Variants in CDHR2 observed in about 807,000 individuals in gnomAD.
CDHR2 encodes the protein cadherin related family member 2.
In CDHR2, 104 loss-of-function variants were observed where a neutral mutation model predicts 138.6. That is an observed-to-expected ratio of 0.75 (90% CI 0.64 to 0.88). The LOEUF is 0.88. CDHR2 is among the 40% of genes least tolerant of loss of function. The probability of loss-of-function intolerance (pLI) is 0.00; values close to 1 mark genes in which losing one functional copy is unlikely to be tolerated. For synonymous variants in CDHR2, 755 were observed against 742.8 expected, an observed-to-expected ratio of 1.02 and a Z score of -0.27; for missense variants, 1,624 against 1,727.6, an observed-to-expected ratio of 0.94 and a Z score of 1.06.
At chr5:176,559,949 T>C (rs1446210398) in intron 1 of CDHR2, among the ~76,000 whole-genome samples, 3 of 152,132 alleles carry the variant, frequency 2.0e-5, no homozygotes, top group Non-Finnish European at 4.4e-5. Context: ...TAAAGGGTGG[T>C]TGAGGCGTGG....
chr5:176,595,458 T>C (rs1759002506), intron 31 of CDHR2, 74 bp from the exon 32 acceptor site: 1 of 1,431,340 alleles, frequency 7.0e-7, no homozygotes, highest in African/African-American at 1.5e-5. Context: ...TTGAAGCCCA[T>C]CCACTCCCCT....
In CDHR2 at chr5:176,543,072, G is replaced by A. The variant is rs1008443447; in HGVS notation, c.-16+303G>A. ...TTGGGGCGTTTGGACCTAGCGGACG[G>A]GGAGAAGAGCGGCGCAGCTCCCGCT... On this transcript the variant is annotated intron_variant, in intron 1 of 31. Coordinates refer to the CDHR2 transcript ENST00000510636. The surrounding 1 kb of genome is among the most constrained non-coding windows in gnomAD (Gnocchi z 4.0). Among the ~76,000 whole-genome samples the A allele has an allele frequency of 6.6e-5, 10 of 151,808 alleles. No individual in the cohort carries two copies. Among genetic ancestry groups the A allele is most frequent in the African/African-American group, 2.4e-4 (10 of 41,392 alleles).
At position 176,574,366 on chromosome 5, in the gene CDHR2, C is replaced by T. The variant is rs1758310339; in HGVS notation, c.495+194C>T. Among the ~76,000 whole-genome samples the T allele has an allele frequency of 2.0e-5, 3 of 152,332 alleles. No homozygotes were observed. In the South Asian group the frequency reaches 6.2e-4, roughly 32 times the overall value. On this transcript the variant is annotated intron_variant, in intron 7 of 31. Transcript: ENST00000261944. ...CTTGCCCGCTTACCTAAAGAGGGTG[C>T]CTGCTGCAGACCAGACCCTTCTTCC...
At chr5:176,563,038 C>G (rs1029805941) in intron 1 of CDHR2, among the ~76,000 whole-genome samples, 1 of 152,146 alleles carries the variant, frequency 6.6e-6, no homozygotes, top group Non-Finnish European at 1.5e-5. Context: ...TGAAATCAGT[C>G]TCTTGTCCAG....
chr5:176,588,359 GTA>G (rs1342232375), intron 21 of CDHR2, among the ~76,000 whole-genome samples: 2 of 132,462 alleles, frequency 1.5e-5, no homozygotes, highest in Non-Finnish European at 3.2e-5. Flanking sequence ...TGAATTGAGT[GTA>G]TTTGTGTGAG....
chr5:176,567,155 G>T (rs1436087696), intron 3 of CDHR2: 3 of 366,326 alleles, frequency 8.2e-6, no homozygotes, highest in Admixed American at 3.5e-5. Context: ...AGGCTGGAGA[G>T]GGAGGAGTGC....
intron 6 of CDHR2, 96 bp from the exon 7 acceptor site, chr5:176,573,987 G>T: frequency 1.1e-6 from 1 of 944,386 alleles, no homozygotes; most frequent in Non-Finnish European, 1.7e-6. Flanking sequence ...CCCCATGAGT[G>T]CACAGCTGAG....
chr5:176,588,408 A>T (rs1479582725), intron 21 of CDHR2, among the ~76,000 whole-genome samples: 7 of 131,470 alleles, frequency 5.3e-5, no homozygotes, highest in Admixed American at 1.6e-4. Context: ...TGCATGAGAG[A>T]GTGAGGGTGT....
At chr5:176,552,946 G>A (rs934289006) in intron 1 of CDHR2, among the ~76,000 whole-genome samples, 24 of 152,284 alleles carry the variant, frequency 1.6e-4, no homozygotes, top group Admixed American at 6.5e-4. Context: ...ACATGCAGGG[G>A]AGAGACTGTG....
At chr5:176,588,524 TGA>T (rs1475722373) in intron 21 of CDHR2, among the ~76,000 whole-genome samples, 14 of 141,150 alleles carry the variant, frequency 9.9e-5, no homozygotes, top group Non-Finnish European at 1.7e-4. Context: ...TGCATGTGTG[TGA>T]GTGTGTTAGG....
chr5:176,577,365 G>T (rs1758408607), intron 12 of CDHR2, 34 bp from the exon 13 acceptor site: 2 of 1,586,970 alleles, frequency 1.3e-6, no homozygotes, highest in African/African-American at 2.7e-5. Context: ...CAGAGCAGGG[G>T]GACAGGTCCC....
intron 6 of CDHR2, among the ~76,000 whole-genome samples, chr5:176,573,333 G>A (rs1253034235): frequency 6.6e-6 from 1 of 152,070 alleles, no homozygotes; most frequent in Non-Finnish European, 1.5e-5. Flanking sequence ...GATCTCTGTG[G>A]CCACCATTAG....
upstream of CDHR2, among the ~76,000 whole-genome samples, chr5:176,546,507 G>A (rs970201676): frequency 6.6e-6 from 1 of 152,038 alleles, no homozygotes; most frequent in Admixed American, 6.6e-5. Flanking sequence ...TAGGCATCAT[G>A]TATTACCTGC....
chr5:176,560,832 T>C (rs1319724827), intron 1 of CDHR2, among the ~76,000 whole-genome samples: 1 of 152,200 alleles, frequency 6.6e-6, no homozygotes, highest in East Asian at 1.9e-4. Context: ...GCCTTCCTGA[T>C]GTTCCATGTT....
chr5:176,578,658 C>G (rs1030155539), intron 16 of CDHR2, 50 bp downstream of exon 16: 3 of 1,596,370 alleles, frequency 1.9e-6, no homozygotes, highest in African/African-American at 2.7e-5. Flanking sequence ...GGGGACCAAG[C>G]CTGCTCTGTG....
chr5:176,577,771 C>A lies in CDHR2; in HGVS notation c.1485C>A (p.Thr495=). ...YVLTVPEHSA[T]GSVVTDSIHA... is the part of the protein sequence containing the mutation. ...TCACGGTGCCAGAGCACAGCGCCAC[C>A]GGCTCTGTGGTCACCGACAGCATCC... The change falls in exon 14 of 32, where the codon ACC becomes ACA. Residue 495 remains threonine (T), a synonymous_variant. Transcript: ENST00000261944. 3.1e-6 allele frequency: 5 copies of A among 1,614,162 alleles called. No individual in the cohort carries two copies. Among genetic ancestry groups the A allele is most frequent in the Non-Finnish European group, 3.4e-6 (4 of 1,180,016 alleles).
At chr5:176,595,475 TG>T in intron 31 of CDHR2, 56 bp from the exon 32 acceptor site, 2 of 1,510,742 alleles carry the variant, frequency 1.3e-6, no homozygotes, top group Non-Finnish European at 1.8e-6. Flanking sequence ...CCCTAGGGCC[TG>T]GGGCACTCGC....
intron 1 of CDHR2, among the ~76,000 whole-genome samples, chr5:176,556,045 C>T (rs1757815400): frequency 6.6e-6 from 1 of 152,224 alleles, no homozygotes; most frequent in Admixed American, 6.5e-5. Flanking sequence ...TCCCATGATT[C>T]CCCACCTCTC....
rs1758226947 is a variant in CDHR2, at chr5:176,571,411, C to G, written c.405+109C>G. On this transcript the variant is annotated intron_variant, in intron 6 of 31. Coordinates refer to ENST00000261944, the MANE Select transcript of CDHR2 (RefSeq NM_017675.6). Reference sequence around the variant, plus strand: ...GGGCATTCAGAGTTGGGAAAAACCTCTCCTAGCAGGGGCAGCTTCAAGAAC... The same window carrying G: ...GGGCATTCAGAGTTGGGAAAAACCTGTCCTAGCAGGGGCAGCTTCAAGAAC... 8.9e-6 allele frequency: 6 copies of G among 673,718 alleles called. No homozygotes were observed. In the East Asian group the frequency reaches 1.9e-4, roughly 21 times the overall value. The allele number at this position is 673,718 out of a possible 1,614,324, so 41.7% of individuals were successfully genotyped here.
Sources: gnomAD v4.1 joint callset for allele counts (sites outside exome capture counted in the v4.1 genomes callset) on GRCh38, gnomAD v4.1.1 for gene constraint, Gnocchi (gnomAD v3.1) non-coding constraint, MANE v1.5 for transcripts, NCBI Gene and HGNC (gene_info 2026-07-23, HGNC 2026-07-21) for gene names.